The following STAC2 variants were observed in gnomAD, a reference collection of about 807,000 sequenced individuals.
STAC2 encodes SH3 and cysteine rich domain 2.
Under a neutral mutation model 49.0 loss-of-function variants are expected in STAC2, and 36 were observed. The observed-to-expected ratio is 0.74, with a 90% CI of 0.56 to 0.97. The LOEUF (loss-of-function observed/expected upper bound fraction) is 0.97, where lower values mean the gene tolerates loss of function less well. Ranked by LOEUF, STAC2 falls within the 50% of genes least tolerant of loss-of-function variation. STAC2 has a pLI of 0.00. For missense variants in STAC2, 527 were observed against 543.8 expected (o/e 0.97, Z 0.31); for synonymous variants, 239 against 214.7 (o/e 1.11, Z -0.99).
At chr17:39,221,660 C>A (rs763216979) in intron 1 of STAC2, among the ~76,000 whole-genome samples, 1 of 152,222 alleles carries the variant, frequency 6.6e-6, no homozygotes, top group Non-Finnish European at 1.5e-5. Context: ...CTTGAACCAG[C>A]GGCTTCGGCT....
chr17:39,213,463 G>A, intron 9 of STAC2, 44 bp downstream of exon 9: 1 of 1,611,078 alleles, frequency 6.2e-7, no homozygotes, highest in Non-Finnish European at 8.5e-7. Context: ...GGGGCTGCTG[G>A]GGTGCCTACC....
chr17:39,219,327 T>C (rs1369605820), intron 1 of STAC2, among the ~76,000 whole-genome samples: 1 of 152,158 alleles, frequency 6.6e-6, no homozygotes, highest in Non-Finnish European at 1.5e-5. Context: ...GTTTGTCCTC[T>C]TCTCTGCCTC....
chr17:39,217,807 C>T lies in STAC2; in HGVS notation c.397+60G>A. On this transcript the variant is annotated intron_variant, in intron 2 of 10. Transcript: ENST00000333461. ...CAATAATATTGGGCGCAACATGAGCCCACTCCCCAGTACCCACGCTGGCCC... is the reference window on the plus strand; with the variant it reads ...CAATAATATTGGGCGCAACATGAGCTCACTCCCCAGTACCCACGCTGGCCC... 3 of 1,517,776 alleles carry T rather than the reference C, an allele frequency of 2.0e-6. No homozygotes were observed. The South Asian group carries it at 3.6e-5, about 18-fold the overall frequency. 94.0% of individuals were successfully genotyped at this position (1,517,776 alleles called of 1,614,324 possible). A position where few individuals can be genotyped will look rare whatever the true frequency, so the allele number is the denominator to read the frequency against.
chr17:39,223,859 T>C (rs186544796), intron 1 of STAC2, among the ~76,000 whole-genome samples: 10 of 152,114 alleles, frequency 6.6e-5, no homozygotes, highest in African/African-American at 1.9e-4. Flanking sequence ...TTGACAGAAG[T>C]TGTCACAAAT....
chr17:39,220,391 C>T (rs982930103), intron 1 of STAC2, among the ~76,000 whole-genome samples: 3 of 152,048 alleles, frequency 2.0e-5, no homozygotes, highest in Non-Finnish European at 4.4e-5. Context: ...GGGCTGGGGG[C>T]AAAACTAAAC....
At chr17:39,221,522 CATT>C (rs1374012278) in intron 1 of STAC2, among the ~76,000 whole-genome samples, 3 of 152,222 alleles carry the variant, frequency 2.0e-5, no homozygotes, top group Admixed American at 2.0e-4. Context: ...TGCAGCATCT[CATT>C]AATCCTGATG....
chr17:39,218,623 G>C (rs1163998766), intron 1 of STAC2, among the ~76,000 whole-genome samples: 4 of 152,026 alleles, frequency 2.6e-5, no homozygotes, highest in Non-Finnish European at 5.9e-5. Context: ...TATATTTCCT[G>C]TGCCTTGCTT....
intron 8 of STAC2, 87 bp from the exon 9 acceptor site, chr17:39,213,645 T>G (rs2046374726): frequency 1.8e-6 from 2 of 1,128,398 alleles, no homozygotes; most frequent in East Asian, 2.4e-5. Flanking sequence ...TGGGGGACAC[T>G]GCAGTCCTCA....
intron 1 of STAC2, among the ~76,000 whole-genome samples, chr17:39,224,077 C>T (rs1237155373): frequency 1.3e-5 from 2 of 152,054 alleles, no homozygotes; most frequent in East Asian, 3.9e-4. Context: ...CCCTGGGGTG[C>T]CTCTGCCAGA....
chr17:39,214,261 G>A lies in STAC2; in HGVS notation c.913C>T (p.Pro305Ser), dbSNP rs2046380578. 6.2e-7 allele frequency: 1 copy of A among 1,614,014 alleles called. No individual in the cohort carries two copies. The highest frequency in any genetic ancestry group is 2.2e-5 in the East Asian group (1 of 44,882). The change falls in exon 8 of 11, where the codon CCC becomes TCC. Residue 305 changes from proline to serine, a missense_variant. Physicochemically the swap from Pro to Ser is moderately conservative, Grantham distance 74. Transcript: ENST00000333461. Reference protein sequence around the residue: ...YSYVALYKFLPQENNDLALQP... With the variant: ...YSYVALYKFLSQENNDLALQP... ...AGAGCCAGATCATTGTTCTCCTGGG[G>A]CAGAAACTTGTAGAGTGCAACGTAG...
In STAC2 at chr17:39,211,289, C is replaced by CTT. The variant is rs5820281; in HGVS notation, c.*1001_*1002dup. The CTT allele has an allele frequency of 0.15, 21,220 of 139,198 alleles. 4,369 individuals are homozygous for CTT. Among genetic ancestry groups the CTT allele is most frequent in the African/African-American group, 0.46 (18,169 of 39,316 alleles). 8.6% of individuals were successfully genotyped at this position (139,198 alleles called of 1,614,324 possible). On this transcript the variant is annotated 3_prime_UTR_variant, in exon 11 of 11. Coordinates refer to ENST00000333461, the MANE Select transcript of STAC2 (RefSeq NM_198993.5). ...CTCTTGGGTTTCCTTTTCTTTCTTT[C>CTT]TTTTTTTTTTTTTGAGACGGAGTCT...
chr17:39,221,803 C>T (rs1477592770), intron 1 of STAC2, among the ~76,000 whole-genome samples: 1 of 152,158 alleles, frequency 6.6e-6, no homozygotes, highest in Non-Finnish European at 1.5e-5. Context: ...ATCACCCTCA[C>T]CTCTCAGCTG....
intron 4 of STAC2, among the ~76,000 whole-genome samples, chr17:39,216,564 T>A (rs1405379935): frequency 6.6e-6 from 1 of 152,238 alleles, no homozygotes; most frequent in Non-Finnish European, 1.5e-5. Context: ...AGGAACTGTC[T>A]GTGCCAGTGT....
intron 7 of STAC2, 81 bp from the exon 8 acceptor site, chr17:39,214,411 C>T (rs1597731456): frequency 2.5e-6 from 4 of 1,591,404 alleles, no homozygotes; most frequent in Non-Finnish European, 3.4e-6. Context: ...AGTGTGCTAC[C>T]CTGGGGGCTG....
chr17:39,217,052 A>C (rs980810832), intron 3 of STAC2, 24 bp downstream of exon 3: 5 of 1,613,268 alleles, frequency 3.1e-6, no homozygotes, highest in Non-Finnish European at 4.2e-6. Context: ...TCAGCTGGCC[A>C]TCTCTGCCTG....
rs1277136542 is a variant in STAC2 at position 39,210,705 on chromosome 17, G to A, written c.*1587C>T. On this transcript the variant is annotated 3_prime_UTR_variant, in exon 11 of 11. Transcript: ENST00000333461. ...GTGTGGCTTGAGACCCCGCTTTGTG[G>A]GGGAGAAGTGGGGCAGGGGCCTTTG... 4 of 152,628 alleles carry A rather than the reference G, an allele frequency of 2.6e-5. No individual in the cohort carries two copies. Among genetic ancestry groups the A allele is most frequent in the Non-Finnish European group, 1.5e-5 (1 of 68,090 alleles). 9.5% of individuals were successfully genotyped at this position (152,628 alleles called of 1,614,324 possible). A position where few individuals can be genotyped will look rare whatever the true frequency, so the allele number is the denominator to read the frequency against.
At position 39,212,996 on chromosome 17, in the gene STAC2, T is replaced by C; in HGVS notation, c.1130A>G (p.Gln377Arg). 6.2e-7 allele frequency: 1 copy of C among 1,613,650 alleles called. No individual in the cohort carries two copies. The highest frequency in any genetic ancestry group is 8.5e-7 in the Non-Finnish European group (1 of 1,179,878). Reference sequence around the variant, plus strand: ...CTGGGCTGGGCCTCAGGCACTCACCTGGTTCTCCTTGAGGCTCATGTAACC... The same window carrying C: ...CTGGGCTGGGCCTCAGGCACTCACCCGGTTCTCCTTGAGGCTCATGTAACC... ...EQGYMSLKEN[Q>R]ICVGVGRSKD... Residue 377 changes from glutamine (Q) to arginine (R), a missense_variant and splice_region_variant, in exon 10 of 11, where the codon CAG (glutamine) becomes CGG (arginine). Physicochemically the swap from Gln to Arg is conservative, Grantham distance 43. Transcript: ENST00000333461.
Position 39,214,800 on chromosome 17 carries a change from A to G in STAC2, c.834T>C (p.Pro278=), listed in dbSNP as rs1212490940. Residue 278 remains proline, a synonymous_variant, in exon 7 of 11, where the codon CCT becomes CCC. Coordinates refer to ENST00000333461, the MANE Select transcript of STAC2 (RefSeq NM_198993.5). Reference sequence around the variant, plus strand: ...GCCAGTACAGGCTCACCTGCTGTCCAGGACTCTTCTCCTCTGGTCCTGGCC... The same window carrying G: ...GCCAGTACAGGCTCACCTGCTGTCCGGGACTCTTCTCCTCTGGTCCTGGCC... The part of the protein sequence containing the change: ...SEGPGPEEKS[P]GQQLPKATLR... The G allele has an allele frequency of 6.2e-7, 1 of 1,613,964 alleles. No homozygotes were observed. Among genetic ancestry groups the G allele is most frequent in the Non-Finnish European group, 8.5e-7 (1 of 1,179,952 alleles).
In STAC2 at chr17:39,216,913, AG is replaced by A. The variant is rs1268594270; in HGVS notation, c.496-14del. On this transcript the variant is annotated splice_polypyrimidine_tract_variant and intron_variant, in intron 3 of 10. Transcript: ENST00000333461. The stretch of plus-strand genomic sequence containing the variant: ...GGAAGGAGGTGGACTATGGCAAGAG[AG>A]GGCAGAGAGGTTTTGAGGAGGTCAT... 1 of 1,593,376 alleles carries A rather than the reference AG, an allele frequency of 6.3e-7. No individual in the cohort carries two copies.
Sources: gnomAD v4.1 joint callset for allele counts (sites outside exome capture counted in the v4.1 genomes callset) on GRCh38, gnomAD v4.1.1 for gene constraint, MANE v1.5 for transcripts, NCBI Gene and HGNC (gene_info 2026-07-23, HGNC 2026-07-21) for gene names.